The following CAMTA1 variants were observed in gnomAD, a reference collection of about 807,000 sequenced individuals.
The protein encoded by CAMTA1 is calmodulin binding transcription activator 1, also known as calmodulin-binding transcription activator 1.
CAMTA1 carries 27 observed loss-of-function variants against 170.9 expected under a neutral mutation model. The ratio of observed to expected loss-of-function variants is 0.16; its 90% CI spans 0.12 to 0.22. The LOEUF is 0.22. CAMTA1 is among the 10% of genes least tolerant of loss of function. The pLI, the probability that CAMTA1 is intolerant of heterozygous loss-of-function variation, is 1.00. For synonymous variants in CAMTA1, 833 were observed against 891.5 expected (o/e 0.93, Z 1.17); for missense variants, 1,619 against 2,217.2 (o/e 0.73, Z 5.42).
rs10864276 is a variant in CAMTA1 at position 7,092,009 on chromosome 1, A to G, written c.302+638A>G. On this transcript the variant is annotated intron_variant, in intron 4 of 22. Transcript: ENST00000303635. This position sits in a 1 kb window ranked among gnomAD's most constrained non-coding sequence, Gnocchi z 5.0. ...ATGTTGGGACTTAGGGTTGATTTTA[A>G]AAGGCAGCCTCTTTTGGTCCTCCCC... 0.061 allele frequency among the ~76,000 whole-genome samples: 9,219 copies of G among 152,344 alleles called. 314 individuals carry two copies. Among genetic ancestry groups the G allele is most frequent in the African/African-American group, 0.095 (3,941 of 41,576 alleles).
chr1:7,258,895 A>C (rs1024853539), intron 5 of CAMTA1, among the ~76,000 whole-genome samples: 2 of 152,166 alleles, frequency 1.3e-5, no homozygotes, highest in Non-Finnish European at 2.9e-5. Context: ...GCACCAGCAG[A>C]GGGCAGGGAT....
At chr1:7,515,644 G>A (rs1009992990) in intron 6 of CAMTA1, among the ~76,000 whole-genome samples, 4 of 152,162 alleles carry the variant, frequency 2.6e-5, no homozygotes, top group Middle Eastern at 3.4e-3. Context: ...AGCTCATCTC[G>A]GAGCGAGAGG....
At chr1:6,813,616 T>C (rs921978862) in intron 1 of CAMTA1, among the ~76,000 whole-genome samples, 1 of 152,170 alleles carries the variant, frequency 6.6e-6, no homozygotes, top group Admixed American at 6.5e-5. Context: ...TTTACAGTTT[T>C]TTCTTTTTAA....
chr1:7,084,136 T>G (rs1640403576), intron 3 of CAMTA1, among the ~76,000 whole-genome samples: 1 of 152,018 alleles, frequency 6.6e-6, no homozygotes, highest in African/African-American at 2.4e-5. Flanking sequence ...TTTTTATTAG[T>G]TGAACTCAGG....
In CAMTA1 at chr1:7,604,468, G is replaced by A. The variant is rs553606656; in HGVS notation, c.511-35932G>A. Among the ~76,000 whole-genome samples, 12 of 152,188 alleles carry A rather than the reference G, an allele frequency of 7.9e-5. No homozygotes were observed. The East Asian group carries it at 9.6e-4, about 12-fold the overall frequency. On this transcript the variant is annotated intron_variant, in intron 6 of 22. Transcript: ENST00000303635. ...CTGATACCCTTTCTTCCAGTTGATC[G>A]AATCAGCTACTGAGGCTTGTGCATT...
At chr1:7,568,971 C>A (rs1289725245) in intron 6 of CAMTA1, among the ~76,000 whole-genome samples, 1 of 151,404 alleles carries the variant, frequency 6.6e-6, no homozygotes, top group Admixed American at 6.6e-5. Flanking sequence ...TCATCATCAC[C>A]ACCACTATCA....
At chr1:7,318,636 A>G (rs1677898241) in intron 5 of CAMTA1, among the ~76,000 whole-genome samples, 2 of 152,224 alleles carry the variant, frequency 1.3e-5, no homozygotes, top group South Asian at 4.1e-4. Context: ...TCAGAATTCC[A>G]CAGGAGAGGA....
At chr1:7,538,158 G>A (rs1283555885) in intron 6 of CAMTA1, among the ~76,000 whole-genome samples, 1 of 152,196 alleles carries the variant, frequency 6.6e-6, no homozygotes, top group Non-Finnish European at 1.5e-5. Context: ...CTGATCTGTG[G>A]CATTTGCCAA....
chr1:6,977,909 A>C (rs562876163), intron 3 of CAMTA1, among the ~76,000 whole-genome samples: 1 of 152,260 alleles, frequency 6.6e-6, no homozygotes, highest in Admixed American at 6.5e-5. Flanking sequence ...TTGCAACAGC[A>C]TGAATGGAAC....
intron 5 of CAMTA1, among the ~76,000 whole-genome samples, chr1:7,424,226 A>T (rs2091750591): frequency 6.6e-6 from 1 of 152,152 alleles, no homozygotes; most frequent in Non-Finnish European, 1.5e-5. Context: ...TCTGGTACCA[A>T]CATGGAGCAT....
chr1:7,196,716 T>G (rs2148981111), intron 4 of CAMTA1, among the ~76,000 whole-genome samples: 1 of 152,356 alleles, frequency 6.6e-6, no homozygotes, highest in Non-Finnish European at 1.5e-5. Flanking sequence ...CTAGATACCT[T>G]AAAATGATAT....
chr1:7,528,243 T>A (rs2094451932), intron 6 of CAMTA1, among the ~76,000 whole-genome samples: 1 of 152,322 alleles, frequency 6.6e-6, no homozygotes, highest in South Asian at 2.1e-4. Context: ...GACTCAGGGC[T>A]TAGCCCTCAA....
At chr1:7,556,752 T>C (rs536417563) in intron 6 of CAMTA1, among the ~76,000 whole-genome samples, 1 of 152,128 alleles carries the variant, frequency 6.6e-6, no homozygotes, top group African/African-American at 2.4e-5. Context: ...GACCCCTGCC[T>C]AAGGATCCTC....
chr1:6,862,692 G>A (rs1665198808), intron 3 of CAMTA1, among the ~76,000 whole-genome samples: 1 of 152,176 alleles, frequency 6.6e-6, no homozygotes, highest in African/African-American at 2.4e-5. Context: ...TTGGGATGGT[G>A]CATGCCCCCT....
At chr1:6,807,069 TG>T in intron 1 of CAMTA1, 1 of 660,062 alleles carries the variant, frequency 1.5e-6, no homozygotes, top group Non-Finnish European at 2.8e-6. Flanking sequence ...AAATTTCAGC[TG>T]GGACTCAGTG....
intron 3 of CAMTA1, among the ~76,000 whole-genome samples, chr1:7,068,775 CTA>C (rs1709299432): frequency 6.6e-6 from 1 of 152,126 alleles, no homozygotes; most frequent in South Asian, 2.1e-4. Context: ...TGCCCTGGGA[CTA>C]TGAGTCATTT....
At chr1:6,908,615 T>G (rs1367184439) in intron 3 of CAMTA1, among the ~76,000 whole-genome samples, 1 of 152,230 alleles carries the variant, frequency 6.6e-6, no homozygotes, top group African/African-American at 2.4e-5. Context: ...ATTATAGTCC[T>G]CGTTCCTTTT....
intron 6 of CAMTA1, among the ~76,000 whole-genome samples, chr1:7,568,006 G>A (rs953960528): frequency 1.6e-4 from 24 of 152,152 alleles, no homozygotes; most frequent in African/African-American, 5.8e-4. Flanking sequence ...TAAATAGCAT[G>A]CTCATAGAAT....
chr1:6,864,288 A>T (rs974247205), intron 3 of CAMTA1, among the ~76,000 whole-genome samples: 2 of 152,120 alleles, frequency 1.3e-5, no homozygotes, highest in Admixed American at 6.5e-5. Context: ...CTTTGCAGCC[A>T]CTGCTGCAGT....
Sources: allele counts gnomAD v4.1 joint callset (sites outside exome capture counted in the v4.1 genomes callset), GRCh38; gene constraint gnomAD v4.1.1; non-coding constraint Gnocchi (gnomAD v3.1); transcripts MANE v1.5; gene names NCBI Gene and HGNC (gene_info 2026-07-23, HGNC 2026-07-21).